Variants in TBC1D14 observed in about 807,000 individuals in gnomAD.
TBC1D14 encodes TBC1 domain family, member 14.
A neutral mutation model predicts 79.0 loss-of-function variants in TBC1D14; 26 were observed. The ratio of observed to expected loss-of-function variants is 0.33; its 90% confidence interval spans 0.24 to 0.46. TBC1D14 has a LOEUF of 0.46. Among genes scored for constraint, TBC1D14 ranks in the 20% least tolerant of loss-of-function variants. TBC1D14 has a pLI of 1.00. For synonymous variants in TBC1D14, 394 were observed against 349.9 expected, an observed-to-expected ratio of 1.13 and a Z score of -1.40; for missense variants, 769 against 887.6, an observed-to-expected ratio of 0.87 and a Z score of 1.70.
intron 2 of TBC1D14, among the ~76,000 whole-genome samples, chr4:6,952,185 C>T (rs921737796): frequency 6.6e-6 from 1 of 152,212 alleles, no homozygotes; most frequent in African/African-American, 2.4e-5. Context: ...CAGTGGTTCT[C>T]AGATCCAGGT....
intron 12 of TBC1D14, among the ~76,000 whole-genome samples, chr4:7,016,706 C>A (rs1471964932): frequency 1.3e-5 from 2 of 152,222 alleles, no homozygotes; most frequent in Non-Finnish European, 2.9e-5. Flanking sequence ...CCATGTGAAG[C>A]ATTCTGAAAT....
chr4:6,941,776 AC>A (rs1482904090), intron 2 of TBC1D14, among the ~76,000 whole-genome samples: 1 of 152,198 alleles, frequency 6.6e-6, no homozygotes, highest in African/African-American at 2.4e-5. Flanking sequence ...TGCTCCAGAT[AC>A]GTCAGACCTC....
rs1330454740 is a variant in TBC1D14, at chr4:7,004,984, T to C, written c.1351+60T>C. 6 of 1,483,264 alleles carry C rather than the reference T, an allele frequency of 4.0e-6. No homozygotes were observed. In the African/African-American group the frequency reaches 8.3e-5, roughly 20 times the overall value. The allele number at this position is 1,483,264 out of a possible 1,614,324, so 91.9% of individuals were successfully genotyped here. ...GTCAATTATGTTTGTCATTCTTTAT[T>C]ACATAGTGAAGAAAGTTGACGTTAA... On this transcript the variant is annotated intron_variant, in intron 8 of 13. Transcript: ENST00000409757.
intron 2 of TBC1D14, among the ~76,000 whole-genome samples, chr4:6,950,848 G>A (rs1046073477): frequency 6.6e-6 from 1 of 152,024 alleles, no homozygotes; most frequent in Non-Finnish European, 1.5e-5. Flanking sequence ...TATTTATAAG[G>A]GTATGGGCTG....
chr4:7,003,932 G>A (rs1719922947), intron 7 of TBC1D14, among the ~76,000 whole-genome samples: 1 of 152,116 alleles, frequency 6.6e-6, no homozygotes, highest in African/African-American at 2.4e-5. Flanking sequence ...ATTGAATCTG[G>A]GAGGCAGAGG....
chr4:6,999,855 A>C (rs1719481015), intron 6 of TBC1D14, among the ~76,000 whole-genome samples: 1 of 152,076 alleles, frequency 6.6e-6, no homozygotes, highest in South Asian at 2.1e-4. Flanking sequence ...AGTAGAGTGC[A>C]CCTGGCAGAG....
chr4:6,958,673 G>A (rs932941424), intron 2 of TBC1D14, among the ~76,000 whole-genome samples: 2 of 152,156 alleles, frequency 1.3e-5, no homozygotes, highest in Non-Finnish European at 2.9e-5. Context: ...GGCCTCAAGC[G>A]ATCCACCCAC....
chr4:6,988,313 C>A (rs1015290026), intron 3 of TBC1D14, among the ~76,000 whole-genome samples: 2 of 152,238 alleles, frequency 1.3e-5, no homozygotes, highest in Non-Finnish European at 2.9e-5. Flanking sequence ...TAGTGACAGT[C>A]ATACTCCTAT....
chr4:6,945,872 G>C (rs1713398529), intron 2 of TBC1D14, among the ~76,000 whole-genome samples: 1 of 151,536 alleles, frequency 6.6e-6, no homozygotes, highest in African/African-American at 2.4e-5. Context: ...TGCACAGTAG[G>C]ATTACCTGGC....
chr4:6,942,485 C>A (rs1713006324), intron 2 of TBC1D14, among the ~76,000 whole-genome samples: 1 of 152,216 alleles, frequency 6.6e-6, no homozygotes, highest in African/African-American at 2.4e-5. Context: ...CCACAGCAGT[C>A]CAGTTTCAGT....
intron 3 of TBC1D14, among the ~76,000 whole-genome samples, chr4:6,969,961 G>T (rs1716080199): frequency 6.6e-6 from 1 of 152,168 alleles, no homozygotes; most frequent in African/African-American, 2.4e-5. Flanking sequence ...ACTTGGTGAA[G>T]CCTGGGAGGG....
intron 2 of TBC1D14, among the ~76,000 whole-genome samples, chr4:6,946,942 A>G (rs545217885): frequency 6.6e-6 from 1 of 152,340 alleles, no homozygotes; most frequent in Non-Finnish European, 1.5e-5. Flanking sequence ...CTTATTGTTA[A>G]GTCCTCCTCT....
rs373435463 is a variant in TBC1D14 at position 6,923,425 on chromosome 4, C to T, written c.36C>T (p.Gly12=). 29 of 1,613,742 alleles carry T rather than the reference C, an allele frequency of 1.8e-5. No individual in the cohort carries two copies. In the African/African-American group the frequency reaches 2.1e-4, roughly 12 times the overall value. ...TDGKLSTSTN[G]VAFMGILDGR... ...GAAAACTCTCCACCTCTACAAATGGCGTAGCCTTCATGGGTATTCTGGATG... is the reference window on the plus strand; with the variant it reads ...GAAAACTCTCCACCTCTACAAATGGTGTAGCCTTCATGGGTATTCTGGATG... The change falls in exon 2 of 14, where the codon GGC becomes GGT. Residue 12 remains glycine, a synonymous_variant. Coordinates refer to ENST00000409757, the MANE Select transcript of TBC1D14 (RefSeq NM_020773.3).
chr4:7,009,989 A>AAAAG (rs1720590099), intron 10 of TBC1D14, 41 bp downstream of exon 10: 22 of 1,607,900 alleles, frequency 1.4e-5, no homozygotes, highest in Non-Finnish European at 1.9e-5. Context: ...TTGTTATCTA[A>AAAAG]AAAGAAAGTC....
chr4:7,023,675 G>C (rs1001884232), intron 12 of TBC1D14, among the ~76,000 whole-genome samples: 1 of 152,210 alleles, frequency 6.6e-6, no homozygotes, highest in Non-Finnish European at 1.5e-5. Flanking sequence ...TTGGAGTCAG[G>C]TTCAGAGTCT....
intron 2 of TBC1D14, among the ~76,000 whole-genome samples, chr4:6,940,286 G>A (rs1316534583): frequency 6.6e-6 from 1 of 152,236 alleles, no homozygotes; most frequent in Admixed American, 6.5e-5. Context: ...AGGAAGTTCT[G>A]TTGTTCAGCC....
intron 5 of TBC1D14, among the ~76,000 whole-genome samples, chr4:6,998,197 T>C (rs949886337): frequency 2.0e-5 from 3 of 151,986 alleles, no homozygotes; most frequent in Non-Finnish European, 4.4e-5. Context: ...CTGTCTCTAC[T>C]AAAAATACAA....
chr4:6,956,514 G>A (rs918284948), intron 2 of TBC1D14, among the ~76,000 whole-genome samples: 3 of 152,226 alleles, frequency 2.0e-5, no homozygotes, highest in East Asian at 1.9e-4. Context: ...GCCATTGAGC[G>A]CCTAGAGTGT....
chr4:6,959,474 G>T (rs1269737124), intron 2 of TBC1D14, among the ~76,000 whole-genome samples: 3 of 152,142 alleles, frequency 2.0e-5, no homozygotes, highest in African/African-American at 7.2e-5. Flanking sequence ...CTGGTGTGAA[G>T]GCTGTGGTCC....
Sources: gnomAD v4.1 joint callset for allele counts (sites outside exome capture counted in the v4.1 genomes callset) on GRCh38, gnomAD v4.1.1 for gene constraint, MANE v1.5 for transcripts, NCBI Gene and HGNC (gene_info 2026-07-23, HGNC 2026-07-21) for gene names.